NOMO1: variants seen among roughly 807,000 people sequenced by gnomAD.
NOMO1 encodes the protein NODAL modulator 1.
Under a neutral mutation model 133.8 loss-of-function variants are expected in NOMO1, and 40 were observed. The ratio of observed to expected loss-of-function variants is 0.30; its 90% CI spans 0.23 to 0.39. The LOEUF (loss-of-function observed/expected upper bound fraction) is 0.39. NOMO1 is among the 10% of genes least tolerant of loss of function. The probability of loss-of-function intolerance (pLI) is 1.00; values close to 1 mark genes in which losing one functional copy is unlikely to be tolerated. For missense variants in NOMO1, 462 were observed against 1,419.9 expected (o/e 0.33, Z 10.84); for synonymous variants, 236 against 570.5 (o/e 0.41, Z 8.36).
chr16:14,845,226 T>C (rs1397583087), intron 4 of NOMO1, among the ~76,000 whole-genome samples: 2 of 151,974 alleles, frequency 1.3e-5, no homozygotes, highest in Non-Finnish European at 2.9e-5. Flanking sequence ...TCAGCAGAGA[T>C]GGGCTTCTGC....
intron 7 of NOMO1, 94 bp from the exon 8 acceptor site, chr16:14,853,373 A>T: frequency 1.1e-6 from 1 of 918,080 alleles, no homozygotes. Flanking sequence ...TTGACATGAA[A>T]CTTAAAAAAA....
intron 16 of NOMO1, among the ~76,000 whole-genome samples, chr16:14,868,980 C>T (rs1274974601): frequency 6.6e-6 from 1 of 151,224 alleles, no homozygotes; most frequent in African/African-American, 2.4e-5. Context: ...GCTCTGTCAC[C>T]CAGGCTGGAG....
chr16:14,891,271 T>C (rs1032087525), intron 29 of NOMO1, among the ~76,000 whole-genome samples: 1 of 151,828 alleles, frequency 6.6e-6, no homozygotes. Flanking sequence ...GTATTTTCTG[T>C]GAACTATTTA....
chr16:14,881,435 A>G (rs4780563), intron 24 of NOMO1, 109 bp from the exon 25 acceptor site: 1,291,566 of 1,608,980 alleles, frequency 0.8, 528,047 homozygotes, highest in Admixed American at 0.88. Context: ...ATTGAGGCAC[A>G]GTTATCCCCT....
intron 11 of NOMO1, among the ~76,000 whole-genome samples, chr16:14,858,700 C>G (rs529889876): frequency 1.4e-4 from 22 of 152,248 alleles, no homozygotes; most frequent in African/African-American, 4.1e-4. Flanking sequence ...GGGGCTTTCT[C>G]CCACTGGGGC....
In NOMO1 at chr16:14,888,609, C is replaced by T. The variant is rs188469206; in HGVS notation, c.3325-487C>T. On this transcript the variant is annotated intron_variant, in intron 28 of 30. Transcript: ENST00000287667. ...ATGTGCATGGTGCCTGGCAGCTGGT[C>T]GGTGCTCAGCACACAGAGCTGTGGC... 2.4e-3 allele frequency: 607 copies of T among 248,524 alleles called. 28 individuals are homozygous for T. In the East Asian group the frequency reaches 0.054, roughly 22 times the overall value. The allele number at this position is 248,524 out of a possible 1,614,324, so 15.4% of individuals were successfully genotyped here. A position where few individuals can be genotyped will look rare whatever the true frequency, so the allele number is the denominator to read the frequency against.
intron 9 of NOMO1, among the ~76,000 whole-genome samples, 191 bp from the exon 10 acceptor site, chr16:14,857,026 C>A (rs1963849289): frequency 6.6e-6 from 1 of 151,964 alleles, no homozygotes; most frequent in African/African-American, 2.4e-5. Context: ...GTGTTGGGAA[C>A]ACAACAGAGA....
chr16:14,860,823 T>C (rs1963913336), intron 11 of NOMO1, among the ~76,000 whole-genome samples: 1 of 152,096 alleles, frequency 6.6e-6, no homozygotes, highest in Admixed American at 6.5e-5. Context: ...ATTTGCCTTT[T>C]TAGCACACTG....
intron 27 of NOMO1, among the ~76,000 whole-genome samples, chr16:14,885,357 G>A (rs1461103187): frequency 2.6e-5 from 4 of 151,640 alleles, no homozygotes; most frequent in East Asian, 3.9e-4. Context: ...CCTCGACTTC[G>A]TCCTCTGCAA....
At chr16:14,857,727 G>C (rs547565561) in intron 11 of NOMO1, 72 bp downstream of exon 11, 1 of 1,604,066 alleles carries the variant, frequency 6.2e-7, no homozygotes, top group East Asian at 2.2e-5. Flanking sequence ...AATGACCTGT[G>C]ATCTGTGTGT....
intron 28 of NOMO1, among the ~76,000 whole-genome samples, chr16:14,887,854 G>A (rs1964349754): frequency 6.6e-6 from 1 of 151,588 alleles, no homozygotes; most frequent in African/African-American, 2.4e-5. Flanking sequence ...GAGATGAGTT[G>A]CTTTTCTCTT....
intron 2 of NOMO1, among the ~76,000 whole-genome samples, chr16:14,840,444 C>T (rs1314072213): frequency 1.9e-5 from 1 of 51,332 alleles, no homozygotes; most frequent in Admixed American, 2.7e-4. Flanking sequence ...AAAAATTAGC[C>T]GGGTGTCACG....
intron 16 of NOMO1, among the ~76,000 whole-genome samples, chr16:14,871,307 G>A (rs569401887): frequency 7.3e-5 from 11 of 151,390 alleles, no homozygotes; most frequent in South Asian, 6.3e-4. Flanking sequence ...CAGTAGAAAC[G>A]TACTTTCTGT....
intron 28 of NOMO1, chr16:14,887,905 T>C (rs1024789683): frequency 5.3e-5 from 8 of 150,812 alleles, no homozygotes; most frequent in African/African-American, 1.7e-4. Context: ...AATCTGATTA[T>C]AACGTGTGTC....
intron 2 of NOMO1, among the ~76,000 whole-genome samples, chr16:14,839,542 C>T (rs1422926049): frequency 1.3e-5 from 2 of 151,452 alleles, no homozygotes; most frequent in Non-Finnish European, 2.9e-5. Flanking sequence ...TTTGGAAATA[C>T]AGATTCATAG....
intron 3 of NOMO1, among the ~76,000 whole-genome samples, chr16:14,843,715 T>TG (rs1963639083): frequency 2.4e-5 from 3 of 125,930 alleles, no homozygotes; most frequent in Non-Finnish European, 5.1e-5. Flanking sequence ...ATTGGAGTCT[T>TG]TGTGTGTGTG....
In NOMO1 at chr16:14,875,023, G is replaced by T. The variant is rs368810446; in HGVS notation, c.2055-13G>T. 4.2e-5 allele frequency: 68 copies of T among 1,613,530 alleles called. 1 individual carries two copies. The highest frequency in any genetic ancestry group is 5.6e-5 in the Non-Finnish European group (66 of 1,179,814). On this transcript the variant is annotated splice_polypyrimidine_tract_variant and intron_variant, in intron 18 of 30. Coordinates refer to ENST00000287667, the MANE Select transcript of NOMO1 (RefSeq NM_014287.4). ...GATACGCAACTATGTCCTAGGGGCC[G>T]TCTTTCTTCTAGGTCTTCCATCGAC...
chr16:14,879,646 G>C (rs1470201109), intron 23 of NOMO1, among the ~76,000 whole-genome samples: 2 of 141,140 alleles, frequency 1.4e-5, no homozygotes, highest in Admixed American at 7.1e-5. Flanking sequence ...TCAGGAGGCC[G>C]AGGTGGGAGA....
chr16:14,862,387 G>C lies in NOMO1; in HGVS notation c.1221-626G>C, dbSNP rs2606807. On this transcript the variant is annotated intron_variant, in intron 11 of 30. Transcript: ENST00000287667. ...CCTTATTTAGAATCTCAAATCTGAA[G>C]CATTACCTTAATAGGGCTTTTCAGT... 1,284 of 154,118 alleles carry C rather than the reference G, an allele frequency of 8.3e-3. 31 individuals are homozygous for C. Among genetic ancestry groups the C allele is most frequent in the African/African-American group, 0.029 (1,192 of 41,320 alleles). The allele number at this position is 154,118 out of a possible 1,614,324, so 9.5% of individuals were successfully genotyped here.
Sources: allele counts gnomAD v4.1 joint callset (sites outside exome capture counted in the v4.1 genomes callset), GRCh38; gene constraint gnomAD v4.1.1; transcripts MANE v1.5; gene names NCBI Gene and HGNC (gene_info 2026-07-23, HGNC 2026-07-21).